CFAP57: variants seen among roughly 807,000 people sequenced by gnomAD.
The protein encoded by CFAP57 is cilia- and flagella-associated protein 57.
A neutral mutation model predicts 146.8 loss-of-function variants in CFAP57; 116 were observed. The observed-to-expected ratio is 0.79, with a 90% CI of 0.68 to 0.92. The LOEUF (loss-of-function observed/expected upper bound fraction) is 0.92. Among genes scored for constraint, CFAP57 ranks in the 40% least tolerant of loss-of-function variants. CFAP57 has a pLI of 0.00. For synonymous variants in CFAP57, 518 were observed against 552.8 expected, an observed-to-expected ratio of 0.94 and a Z score of 0.88; for missense variants, 1,377 against 1,527.2, an observed-to-expected ratio of 0.90 and a Z score of 1.64.
chr1:43,216,044 A>G (rs113983322), intron 12 of CFAP57, among the ~76,000 whole-genome samples: 1 of 152,210 alleles, frequency 6.6e-6, no homozygotes, highest in African/African-American at 2.4e-5. Flanking sequence ...ATATGAGTGC[A>G]TAGCTCTGTG....
Position 43,243,311 on chromosome 1 carries a change from G to C in CFAP57, c.3490G>C (p.Ala1164Pro), listed in dbSNP as rs1318851687. Reference protein sequence around the residue: ...TRSQVYDLEAALKLTKKVRPQ... With the variant: ...TRSQVYDLEAPLKLTKKVRPQ... The stretch of plus-strand genomic sequence containing the variant: ...GTCCCAAGTCTATGACCTTGAAGCA[G>C]CTCTGAAACTGACCAAGAAAGTCCG... The change falls in exon 22 of 23, where the codon GCT becomes CCT. Residue 1164 changes from alanine to proline, a missense_variant. Transcript: ENST00000372492. The C allele has an allele frequency of 6.5e-7, 1 of 1,543,220 alleles. No homozygotes were observed. The highest frequency in any genetic ancestry group is 1.2e-5 in the South Asian group (1 of 82,750).
chr1:43,210,243 C>G, intron 11 of CFAP57: 1 of 1,485,238 alleles, frequency 6.7e-7, no homozygotes, highest in Non-Finnish European at 8.9e-7. Context: ...GCCTCCTCCT[C>G]CAGAGAATGC....
intron 17 of CFAP57, among the ~76,000 whole-genome samples, chr1:43,224,615 C>T (rs555007527): frequency 5.3e-5 from 8 of 152,298 alleles, no homozygotes; most frequent in South Asian, 2.1e-4. Flanking sequence ...GTCCCCCTGT[C>T]GCAGAGGGAC....
At chr1:43,232,184 T>A (rs1645499581) in intron 18 of CFAP57, 2 of 650,072 alleles carry the variant, frequency 3.1e-6, no homozygotes, top group Non-Finnish European at 5.6e-6. Flanking sequence ...GAGGTTCTAG[T>A]GCTTGGGTGT....
rs1264369070 is a variant in CFAP57 at position 43,222,853 on chromosome 1, G to A, written c.2562G>A (p.Arg854=). The A allele has an allele frequency of 6.5e-7, 1 of 1,548,328 alleles. No individual in the cohort carries two copies. Among genetic ancestry groups the A allele is most frequent in the African/African-American group, 1.4e-5 (1 of 72,902 alleles). The change falls in exon 16 of 23, where the codon CGG becomes CGA. Residue 854 remains arginine (R), a synonymous_variant. Transcript: ENST00000372492. ...AGGAAGACGTCAGGCAGCAGCTGCG[G>A]GAGTTTGAAGAGACCAAGAAGCAGA... is the stretch of plus-strand genomic sequence containing the variant. The part of the protein sequence containing the change: ...EAQEDVRQQL[R]EFEETKKQIE...
At chr1:43,235,220 C>T (rs914588788) in intron 21 of CFAP57, among the ~76,000 whole-genome samples, 1 of 152,116 alleles carries the variant, frequency 6.6e-6, no homozygotes, top group Non-Finnish European at 1.5e-5. Context: ...GTTTAATAAG[C>T]GCCTCACACC....
chr1:43,187,886 C>T (rs566059836), intron 6 of CFAP57, among the ~76,000 whole-genome samples: 1 of 152,304 alleles, frequency 6.6e-6, no homozygotes, highest in African/African-American at 2.4e-5. Flanking sequence ...TCACTGCAGC[C>T]TTGACCTCCT....
rs1645520435 is a variant in CFAP57, at chr1:43,183,826, A to G, written c.710A>G (p.Lys237Arg). The change falls in exon 4 of 23, where the codon AAG (lysine) becomes AGG (arginine). Residue 237 changes from lysine (K) to arginine (R), a missense_variant. Lys to Arg is a conservative substitution (Grantham distance 26). Transcript: ENST00000372492. Reference protein sequence around the residue: ...DQRWETSIMVKEPTNGSKSLD... With the variant: ...DQRWETSIMVREPTNGSKSLD... ...CGTTGGGAGACCAGCATAATGGTCA[A>G]GGAACCTACCAATGGCTCAAAGAGC... is the stretch of plus-strand genomic sequence containing the variant. 1.9e-6 allele frequency: 3 copies of G among 1,614,110 alleles called. No individual in the cohort carries two copies. The highest frequency in any genetic ancestry group is 1.7e-6 in the Non-Finnish European group (2 of 1,180,042).
intron 3 of CFAP57, among the ~76,000 whole-genome samples, chr1:43,182,871 T>C (rs1645471791): frequency 6.6e-6 from 1 of 152,244 alleles, no homozygotes; most frequent in African/African-American, 2.4e-5. Context: ...CCTATTACTG[T>C]ACAGGTAGTC....
intron 17 of CFAP57, 44 bp from the exon 18 acceptor site, chr1:43,226,939 A>C (rs953064588): frequency 7.0e-5 from 103 of 1,461,594 alleles, no homozygotes; most frequent in Non-Finnish European, 8.9e-5. Context: ...GCAGTATACC[A>C]GGGCCTTACA....
chr1:43,220,959 C>T (rs1465949998), intron 13 of CFAP57, among the ~76,000 whole-genome samples: 2 of 152,136 alleles, frequency 1.3e-5, no homozygotes, highest in Admixed American at 6.5e-5. Context: ...CAACTCGCCC[C>T]CCAAGCCTGA....
intron 21 of CFAP57, among the ~76,000 whole-genome samples, chr1:43,235,062 A>C (rs1353175837): frequency 6.7e-6 from 1 of 149,288 alleles, no homozygotes; most frequent in South Asian, 2.1e-4. Flanking sequence ...CCCAACTCTC[A>C]TTTCACCTGA....
Position 43,176,773 on chromosome 1 carries a change from A to G in CFAP57, c.157+3863A>G, listed in dbSNP as rs1645188807. ...AAAGTGAAGCCGTTGGGGGAGTAAG[A>G]AGTTGTAGATAGGGAGGCTGGGGAG... On this transcript the variant is annotated intron_variant, in intron 2 of 22. Transcript: ENST00000372492. Among the ~76,000 whole-genome samples the G allele has an allele frequency of 4.6e-5, 7 of 152,156 alleles. 1 individual carries two copies. In the South Asian group the frequency reaches 1.4e-3, roughly 31 times the overall value.
chr1:43,198,215 A>G (rs1035379948), intron 7 of CFAP57, among the ~76,000 whole-genome samples: 1 of 152,144 alleles, frequency 6.6e-6, no homozygotes, highest in Non-Finnish European at 1.5e-5. Flanking sequence ...GGGAAAAAAT[A>G]CTTGGACAAT....
rs778093361 is a variant in CFAP57 at position 43,226,963 on chromosome 1, C to T, written c.2866-20C>T. 2 of 1,483,846 alleles carry T rather than the reference C, an allele frequency of 1.3e-6. No individual in the cohort carries two copies. The highest frequency in any genetic ancestry group is 1.4e-5 in the African/African-American group (1 of 70,500). 91.9% of individuals were successfully genotyped at this position (1,483,846 alleles called of 1,614,324 possible). A position where few individuals can be genotyped will look rare whatever the true frequency, so the allele number is the denominator to read the frequency against. The stretch of plus-strand genomic sequence containing the variant: ...CAGGGCCTTACAATATCTCTCACTT[C>T]TCTCTCATCTCACCCCCAGGAGAAG... On this transcript the variant is annotated intron_variant, in intron 17 of 22. Coordinates refer to ENST00000372492, the MANE Select transcript of CFAP57 (RefSeq NM_001378189.1).
At chr1:43,185,774 C>T (rs1643028087) in intron 5 of CFAP57, among the ~76,000 whole-genome samples, 1 of 151,476 alleles carries the variant, frequency 6.6e-6, no homozygotes, top group African/African-American at 2.4e-5. Context: ...AAAAATTAGC[C>T]AAGCGTGGCA....
At position 43,217,035 on chromosome 1, in the gene CFAP57, C is replaced by T. The variant is rs186089700; in HGVS notation, c.2091+1619C>T. Among the ~76,000 whole-genome samples the T allele has an allele frequency of 2.0e-5, 3 of 152,308 alleles. No individual in the cohort carries two copies. The East Asian group carries it at 5.8e-4, about 29-fold the overall frequency. Reference sequence around the variant, plus strand: ...GGAACTTGGCTCAGGCCAGGTGGTGCCAGAGGACATGAGCCTTGCTCAGAT... The same window carrying T: ...GGAACTTGGCTCAGGCCAGGTGGTGTCAGAGGACATGAGCCTTGCTCAGAT... On this transcript the variant is annotated intron_variant, in intron 12 of 22. Transcript: ENST00000372492.
chr1:43,172,638 G>A, intron 1 of CFAP57, 97 bp from the exon 2 acceptor site: 1 of 1,155,444 alleles, frequency 8.7e-7, no homozygotes. Context: ...AGAGACAAGG[G>A]GAGGAGCAAA....
intron 4 of CFAP57, 79 bp downstream of exon 4, chr1:43,183,956 C>T (rs918610764): frequency 6.4e-7 from 1 of 1,559,008 alleles, no homozygotes; most frequent in Non-Finnish European, 8.8e-7. Context: ...TCTTTAGAAA[C>T]CACTCATAAC....
Sources: allele counts gnomAD v4.1 joint callset (sites outside exome capture counted in the v4.1 genomes callset), GRCh38; gene constraint gnomAD v4.1.1; transcripts MANE v1.5; gene names NCBI Gene and HGNC (gene_info 2026-07-23, HGNC 2026-07-21).